Variants in PRLR observed in about 807,000 individuals in gnomAD.
PRLR encodes prolactin receptor.
A neutral mutation model predicts 40.2 loss-of-function variants in PRLR; 13 were observed. That is an observed-to-expected ratio of 0.32 (90% CI 0.21 to 0.51). PRLR has a LOEUF of 0.51. Ranked by LOEUF, PRLR falls within the 20% of genes least tolerant of loss-of-function variation. PRLR has a pLI of 0.97. For missense variants in PRLR, 656 were observed against 747.3 expected (o/e 0.88, Z 1.42); for synonymous variants, 269 against 278.7 (o/e 0.97, Z 0.35).
In PRLR at chr5:35,230,267, C is replaced by T. The variant is rs1427894704; in HGVS notation, c.-106+1G>A. On this transcript the variant is annotated splice_donor_variant, in intron 1 of 9. Coordinates refer to ENST00000618457, the MANE Select transcript of PRLR (RefSeq NM_000949.7). LOFTEE classifies it low-confidence loss of function (5UTR_SPLICE). The stretch of plus-strand genomic sequence containing the variant: ...GGCCTCAGCTCGCCATGGGTACTCA[C>T]TTTTGCCAGGGAGCAAAGTCTGCCA... 1 of 152,248 alleles carries T rather than the reference C, an allele frequency of 6.6e-6. No homozygotes were observed. The highest frequency in any genetic ancestry group is 1.5e-5 in the Non-Finnish European group (1 of 68,054). 9.4% of individuals were successfully genotyped at this position (152,248 alleles called of 1,614,324 possible).
chr5:35,095,414 C>T (rs1417245780), intron 2 of PRLR, among the ~76,000 whole-genome samples: 1 of 152,190 alleles, frequency 6.6e-6, no homozygotes, highest in African/African-American at 2.4e-5. Flanking sequence ...AGACTTACAG[C>T]CAGCATAGTT....
chr5:35,123,507 T>C (rs886960992), intron 1 of PRLR, among the ~76,000 whole-genome samples: 38 of 152,200 alleles, frequency 2.5e-4, no homozygotes, highest in African/African-American at 9.2e-4. Context: ...CCTATAATAA[T>C]TGGGCACCTA....
At chr5:35,082,307 T>C (rs912399264) in intron 5 of PRLR, among the ~76,000 whole-genome samples, 3 of 152,228 alleles carry the variant, frequency 2.0e-5, no homozygotes, top group African/African-American at 7.2e-5. Context: ...ATATATGTTT[T>C]AAGTTAAATA....
In PRLR at chr5:35,056,319, G is replaced by A. The variant is rs982149034; in HGVS notation, c.*8770C>T. Reference sequence around the variant, plus strand: ...GACTCAGTTTCATCTGCATAGTTTCGAGGGACTTTCAAAGGTGAAGCCAGC... The same window carrying A: ...GACTCAGTTTCATCTGCATAGTTTCAAGGGACTTTCAAAGGTGAAGCCAGC... On this transcript the variant is annotated 3_prime_UTR_variant, in exon 10 of 10. Coordinates refer to ENST00000618457, the MANE Select transcript of PRLR (RefSeq NM_000949.7). 2 of 152,092 alleles carry A rather than the reference G, an allele frequency of 1.3e-5. No homozygotes were observed. Among genetic ancestry groups the A allele is most frequent in the Non-Finnish European group, 2.9e-5 (2 of 68,034 alleles). The allele number at this position is 152,092 out of a possible 1,614,324, so 9.4% of individuals were successfully genotyped here.
chr5:35,149,262 T>A (rs1418189150), intron 1 of PRLR, among the ~76,000 whole-genome samples: 1 of 152,128 alleles, frequency 6.6e-6, no homozygotes, highest in Admixed American at 6.5e-5. Flanking sequence ...ATTATCAGTT[T>A]TGTTTGTGGT....
At chr5:35,144,169 T>C (rs1774108076) in intron 1 of PRLR, among the ~76,000 whole-genome samples, 2 of 150,262 alleles carry the variant, frequency 1.3e-5, no homozygotes, top group Non-Finnish European at 3.0e-5. Context: ...AACCAGTCCC[T>C]GAATCAGATA....
At position 35,199,022 on chromosome 5, in the gene PRLR, C is replaced by T. The variant is rs114402674; in HGVS notation, c.-106+31246G>A. On this transcript the variant is annotated intron_variant, in intron 1 of 9. Transcript: ENST00000618457. The stretch of plus-strand genomic sequence containing the variant: ...AGATGGATTTCTGGCTCTCCGGATC[C>T]GGCTGCTGAGAAAGCAGGGTCCCTT... 6.4e-3 allele frequency among the ~76,000 whole-genome samples: 977 copies of T among 152,282 alleles called. 11 individuals are homozygous for T. Among genetic ancestry groups the T allele is most frequent in the African/African-American group, 0.022 (934 of 41,552 alleles).
chr5:35,181,046 T>A (rs750818909), intron 1 of PRLR, among the ~76,000 whole-genome samples: 1 of 152,244 alleles, frequency 6.6e-6, no homozygotes, highest in Non-Finnish European at 1.5e-5. Context: ...TGGTCATTAG[T>A]ATGTCCTTGA....
At chr5:35,186,420 C>A (rs573386401) in intron 1 of PRLR, among the ~76,000 whole-genome samples, 2 of 152,334 alleles carry the variant, frequency 1.3e-5, no homozygotes, top group Admixed American at 1.3e-4. Flanking sequence ...TACTGTCACA[C>A]TGGCTAGTGC....
At chr5:35,070,916 T>TTCAATAA (rs1561267201) in intron 6 of PRLR, among the ~76,000 whole-genome samples, 1 of 150,200 alleles carries the variant, frequency 6.7e-6, no homozygotes, top group Admixed American at 6.6e-5. Context: ...AAATAACTGA[T>TTCAATAA]TCAATAATAA....
intron 1 of PRLR, among the ~76,000 whole-genome samples, chr5:35,124,641 C>T (rs534297029): frequency 4.7e-4 from 71 of 152,208 alleles, no homozygotes; most frequent in African/African-American, 1.5e-3. Flanking sequence ...GTTCCTTGTA[C>T]GAATTTTTGA....
At chr5:35,145,682 G>T (rs1488359735) in intron 1 of PRLR, among the ~76,000 whole-genome samples, 2 of 152,162 alleles carry the variant, frequency 1.3e-5, no homozygotes, top group Admixed American at 6.5e-5. Flanking sequence ...ATTTACCTTT[G>T]CATCTCTAAA....
intron 1 of PRLR, among the ~76,000 whole-genome samples, chr5:35,225,467 A>G (rs925894779): frequency 6.6e-6 from 1 of 152,322 alleles, no homozygotes; most frequent in Middle Eastern, 3.4e-3. Context: ...AGAAGGGGGA[A>G]AAAGGTCCTA....
intron 6 of PRLR, among the ~76,000 whole-genome samples, chr5:35,071,870 G>C (rs1401202140): frequency 6.6e-6 from 1 of 151,336 alleles, no homozygotes; most frequent in East Asian, 1.9e-4. Flanking sequence ...AAAGTGCTGG[G>C]ATTACAAGTG....
At chr5:35,157,816 G>A (rs935249492) in intron 1 of PRLR, among the ~76,000 whole-genome samples, 1 of 152,224 alleles carries the variant, frequency 6.6e-6, no homozygotes, top group African/African-American at 2.4e-5. Context: ...TACTTTGGGT[G>A]AGTTTTGGCA....
intron 1 of PRLR, among the ~76,000 whole-genome samples, chr5:35,211,561 T>C (rs1194979565): frequency 6.6e-6 from 1 of 152,108 alleles, no homozygotes; most frequent in Non-Finnish European, 1.5e-5. Context: ...CCCAATACCA[T>C]AATAATGTAA....
chr5:35,080,535 G>A (rs149344059), intron 5 of PRLR, among the ~76,000 whole-genome samples: 3 of 152,250 alleles, frequency 2.0e-5, no homozygotes, highest in Non-Finnish European at 4.4e-5. Flanking sequence ...TAAAAAGTCA[G>A]GAAACAACAG....
At position 35,061,107 on chromosome 5, in the gene PRLR, T is replaced by A. The variant is rs1041754259; in HGVS notation, c.*3982A>T. 6.6e-6 allele frequency: 1 copy of A among 151,996 alleles called. No individual in the cohort carries two copies. The highest frequency in any genetic ancestry group is 1.5e-5 in the Non-Finnish European group (1 of 68,014). The allele number at this position is 151,996 out of a possible 1,614,324, so 9.4% of individuals were successfully genotyped here. A position where few individuals can be genotyped will look rare whatever the true frequency, so the allele number is the denominator to read the frequency against. On this transcript the variant is annotated 3_prime_UTR_variant, in exon 10 of 10. Transcript: ENST00000618457. Reference sequence around the variant, plus strand: ...TTCTTCTCATCTCTCCATTCATACATATCTATATCTATATCTATATATATA... The same window carrying A: ...TTCTTCTCATCTCTCCATTCATACAAATCTATATCTATATCTATATATATA...
rs574964367 is a variant in PRLR at position 35,116,869 on chromosome 5, C to T, written c.-44+1192G>A. On this transcript the variant is annotated intron_variant, in intron 2 of 9. Transcript: ENST00000618457. ...CGATTTCCATGAAAAACAAAAGCTT[C>T]TGCTGGGCTGAGGCAACTTAAAGCA... 5.9e-5 allele frequency among the ~76,000 whole-genome samples: 9 copies of T among 152,300 alleles called. No homozygotes were observed. The East Asian group carries it at 1.7e-3, about 29-fold the overall frequency.
Sources: gnomAD v4.1 joint callset for allele counts (sites outside exome capture counted in the v4.1 genomes callset) on GRCh38, gnomAD v4.1.1 for gene constraint, MANE v1.5 for transcripts, NCBI Gene and HGNC (gene_info 2026-07-23, HGNC 2026-07-21) for gene names.